The following MLLT3 variants were observed in gnomAD, a reference collection of about 807,000 sequenced individuals.
MLLT3 encodes protein AF-9.
In MLLT3, 4 loss-of-function variants were observed where a neutral mutation model predicts 53.2. The observed-to-expected ratio is 0.08, with a 90% CI of 0.04 to 0.17. The LOEUF (loss-of-function observed/expected upper bound fraction) is 0.17, where lower values mean the gene tolerates loss of function less well. Ranked by LOEUF, MLLT3 falls within the 10% of genes least tolerant of loss-of-function variation. The pLI is 1.00. For missense variants in MLLT3, 569 were observed against 684.0 expected, an observed-to-expected ratio of 0.83 and a Z score of 1.87; for synonymous variants, 283 against 230.6, an observed-to-expected ratio of 1.23 and a Z score of -2.06.
intron 2 of MLLT3, among the ~76,000 whole-genome samples, chr9:20,612,580 A>G (rs1820728190): frequency 6.6e-6 from 1 of 152,276 alleles, no homozygotes; most frequent in East Asian, 1.9e-4. Context: ...AACAAAAATA[A>G]CAAAGGAAGA....
At chr9:20,452,311 TAGTA>T (rs1470147315) in intron 3 of MLLT3, among the ~76,000 whole-genome samples, 2 of 152,178 alleles carry the variant, frequency 1.3e-5, no homozygotes, top group Admixed American at 1.3e-4. Flanking sequence ...GTTCTCATGA[TAGTA>T]AGTGAGTTCT....
Position 20,563,794 on chromosome 9 carries a change from G to A in MLLT3, c.193+56860C>T, listed in dbSNP as rs147655100. Among the ~76,000 whole-genome samples, 692 of 152,174 alleles carry A rather than the reference G, an allele frequency of 4.5e-3. 6 individuals carry two copies. Among genetic ancestry groups the A allele is most frequent in the African/African-American group, 0.016 (672 of 41,526 alleles). On this transcript the variant is annotated intron_variant, in intron 2 of 10. Transcript: ENST00000380338. ...TTCTTTATGTGGGAAAGACGTTGGC[G>A]TCCAACACTGCTATAATAAGAAAAA...
intron 2 of MLLT3, among the ~76,000 whole-genome samples, chr9:20,494,908 T>C (rs1825044438): frequency 6.6e-6 from 1 of 152,192 alleles, no homozygotes; most frequent in African/African-American, 2.4e-5. Context: ...AAGCCCATAG[T>C]TGTACTATAC....
chr9:20,595,396 T>C (rs1392101420), intron 2 of MLLT3, among the ~76,000 whole-genome samples: 1 of 151,840 alleles, frequency 6.6e-6, no homozygotes, highest in Non-Finnish European at 1.5e-5. Flanking sequence ...AAAATAAAAA[T>C]TACTGGAAAA....
chr9:20,350,911 C>T (rs1048168476), intron 10 of MLLT3, among the ~76,000 whole-genome samples: 2 of 152,148 alleles, frequency 1.3e-5, no homozygotes, highest in African/African-American at 4.8e-5. Context: ...GAAGCAGCCT[C>T]TTCGCTGTGT....
intron 2 of MLLT3, among the ~76,000 whole-genome samples, chr9:20,467,362 G>A (rs186097414): frequency 2.6e-5 from 4 of 152,078 alleles, no homozygotes; most frequent in African/African-American, 7.2e-5. Flanking sequence ...GGTGGATCAC[G>A]AGGTCAAGAG....
chr9:20,622,017 G>A, intron 1 of MLLT3: 1 of 1,346,700 alleles, frequency 7.4e-7, no homozygotes, highest in Admixed American at 3.3e-5. Context: ...GGAGGGGCGA[G>A]TGTGAGCGTG....
chr9:20,476,375 T>C (rs547774804), intron 2 of MLLT3, among the ~76,000 whole-genome samples: 6 of 152,238 alleles, frequency 3.9e-5, no homozygotes, highest in African/African-American at 1.4e-4. Context: ...AACTTCACTT[T>C]AATCGGGAGT....
At chr9:20,521,061 T>C (rs1413073926) in intron 2 of MLLT3, among the ~76,000 whole-genome samples, 1 of 142,940 alleles carries the variant, frequency 7.0e-6, no homozygotes, top group Non-Finnish European at 1.5e-5. Context: ...AGCTGTAAAC[T>C]TTTTTTTTGT....
chr9:20,494,595 C>T (rs1026333476), intron 2 of MLLT3, among the ~76,000 whole-genome samples: 5 of 151,192 alleles, frequency 3.3e-5, no homozygotes, highest in African/African-American at 1.2e-4. Context: ...TCTATTTTAA[C>T]AGCACGTGAT....
intron 2 of MLLT3, among the ~76,000 whole-genome samples, chr9:20,586,206 G>A (rs1321826995): frequency 6.6e-6 from 1 of 151,996 alleles, no homozygotes; most frequent in Admixed American, 6.6e-5. Context: ...TGTAGTCCCA[G>A]CTACTCTGGT....
chr9:20,521,007 A>G (rs151151423), intron 2 of MLLT3, among the ~76,000 whole-genome samples: 2 of 152,234 alleles, frequency 1.3e-5, no homozygotes, highest in African/African-American at 4.8e-5. Flanking sequence ...AATTCACAGA[A>G]CCTTTGAAAT....
chr9:20,467,141 G>T (rs775073887), intron 2 of MLLT3, among the ~76,000 whole-genome samples: 2 of 152,038 alleles, frequency 1.3e-5, no homozygotes, highest in Admixed American at 6.6e-5. Flanking sequence ...CCGGATATTG[G>T]CAAAGAGTTT....
chr9:20,583,508 C>T (rs1336618056), intron 2 of MLLT3, among the ~76,000 whole-genome samples: 1 of 152,184 alleles, frequency 6.6e-6, no homozygotes, highest in Non-Finnish European at 1.5e-5. Flanking sequence ...CAGAGGTTCT[C>T]CATGAGGGTC....
At chr9:20,400,993 A>T (rs1451520368) in intron 5 of MLLT3, among the ~76,000 whole-genome samples, 1 of 152,204 alleles carries the variant, frequency 6.6e-6, no homozygotes, top group Non-Finnish European at 1.5e-5. Flanking sequence ...CAAAATCTCC[A>T]ACCTCAATTG....
At chr9:20,485,456 T>G (rs1824785476) in intron 2 of MLLT3, among the ~76,000 whole-genome samples, 1 of 152,242 alleles carries the variant, frequency 6.6e-6, no homozygotes, top group South Asian at 2.1e-4. Flanking sequence ...TTTGGCTAAT[T>G]GGCTCCTAGA....
chr9:20,455,194 G>A (rs932056634), intron 3 of MLLT3, among the ~76,000 whole-genome samples: 1 of 152,154 alleles, frequency 6.6e-6, no homozygotes, highest in Non-Finnish European at 1.5e-5. Context: ...ATATGTCAAC[G>A]ATTCAGTGGT....
intron 2 of MLLT3, among the ~76,000 whole-genome samples, chr9:20,507,867 T>C (rs1293850904): frequency 6.6e-6 from 1 of 151,896 alleles, no homozygotes; most frequent in East Asian, 1.9e-4. Flanking sequence ...AATAAGAATC[T>C]ATAACAATCC....
In MLLT3 at chr9:20,448,396, T is replaced by A; in HGVS notation, c.277-130A>T. On this transcript the variant is annotated intron_variant, in intron 3 of 10. Transcript: ENST00000380338. The surrounding 1 kb of genome is among the most constrained non-coding windows in gnomAD (Gnocchi z 4.0). ...TCTAACAGCTAAACTGTCAAAGTAGTACTGGGAAAAAAAAAAGTATCATGG... is the reference window on the plus strand; with the variant it reads ...TCTAACAGCTAAACTGTCAAAGTAGAACTGGGAAAAAAAAAAGTATCATGG... 4.2e-6 allele frequency: 3 copies of A among 711,864 alleles called. No individual in the cohort carries two copies. The highest frequency in any genetic ancestry group is 6.6e-6 in the Non-Finnish European group (3 of 457,108). 44.1% of individuals were successfully genotyped at this position (711,864 alleles called of 1,614,324 possible). A position where few individuals can be genotyped will look rare whatever the true frequency, so the allele number is the denominator to read the frequency against.
Sources: allele counts gnomAD v4.1 joint callset (sites outside exome capture counted in the v4.1 genomes callset), GRCh38; gene constraint gnomAD v4.1.1; non-coding constraint Gnocchi (gnomAD v3.1); transcripts MANE v1.5; gene names NCBI Gene and HGNC (gene_info 2026-07-23, HGNC 2026-07-21).